The following ENPP6 variants were observed in gnomAD, a reference collection of about 807,000 sequenced individuals.
ENPP6 encodes glycerophosphocholine cholinephosphodiesterase ENPP6.
A neutral mutation model predicts 42.0 loss-of-function variants in ENPP6; 32 were observed. The ratio of observed to expected loss-of-function variants is 0.76; its 90% CI spans 0.58 to 1.02. The LOEUF (loss-of-function observed/expected upper bound fraction) is 1.02. Ranked by LOEUF, ENPP6 falls within the 50% of genes least tolerant of loss-of-function variation. ENPP6 has a pLI of 0.00. For synonymous variants in ENPP6, 213 were observed against 216.0 expected, an observed-to-expected ratio of 0.99 and a Z score of 0.12; for missense variants, 552 against 566.8, an observed-to-expected ratio of 0.97 and a Z score of 0.27.
chr4:184,131,948 T>C (rs1736643910), intron 2 of ENPP6, among the ~76,000 whole-genome samples: 1 of 141,886 alleles, frequency 7.0e-6, no homozygotes, highest in East Asian at 1.9e-4. Flanking sequence ...TGTAATTCAG[T>C]CCTAATTCAG....
At chr4:184,185,434 C>G (rs1210084339) in intron 1 of ENPP6, among the ~76,000 whole-genome samples, 2 of 152,108 alleles carry the variant, frequency 1.3e-5, no homozygotes, top group Non-Finnish European at 2.9e-5. Context: ...GTGGGGACAC[C>G]CCAGCCAGCG....
intron 2 of ENPP6, among the ~76,000 whole-genome samples, chr4:184,133,971 G>C (rs987717695): frequency 6.6e-6 from 1 of 151,128 alleles, no homozygotes; most frequent in African/African-American, 2.4e-5. Context: ...CAATTGGTTG[G>C]CATATATTAT....
chr4:184,118,953 T>A (rs1736369804), intron 3 of ENPP6, among the ~76,000 whole-genome samples: 1 of 152,252 alleles, frequency 6.6e-6, no homozygotes, highest in African/African-American at 2.4e-5. Context: ...TCTGTCCTGA[T>A]TTCTTTGCCA....
chr4:184,091,426 G>C (rs775613193), intron 7 of ENPP6, 44 bp from the exon 8 acceptor site: 36 of 1,533,550 alleles, frequency 2.3e-5, no homozygotes, highest in Non-Finnish European at 3.0e-5. Context: ...GGCAGCTCCA[G>C]GGCAGAGGTG....
chr4:184,148,826 T>C (rs1042661249), intron 2 of ENPP6, among the ~76,000 whole-genome samples: 3 of 152,228 alleles, frequency 2.0e-5, no homozygotes, highest in Non-Finnish European at 2.9e-5. Flanking sequence ...ATCATAGGTA[T>C]GTGTATGTTA....
intron 2 of ENPP6, among the ~76,000 whole-genome samples, chr4:184,135,574 T>C (rs1736718327): frequency 1.3e-5 from 2 of 152,270 alleles, no homozygotes; most frequent in Admixed American, 1.3e-4. Flanking sequence ...TGCATACTTA[T>C]ATTTAATGTA....
chr4:184,217,068 A>G (rs1045555188), intron 1 of ENPP6: 1 of 152,890 alleles, frequency 6.5e-6, no homozygotes, highest in African/African-American at 2.4e-5. Flanking sequence ...ATATGACCTA[A>G]ACATCCCCCC....
At chr4:184,191,174 A>G (rs1732708686) in intron 1 of ENPP6, among the ~76,000 whole-genome samples, 1 of 152,266 alleles carries the variant, frequency 6.6e-6, no homozygotes, top group Admixed American at 6.5e-5. Flanking sequence ...AAGAGGCAGC[A>G]TGATGTTGTG....
intron 2 of ENPP6, among the ~76,000 whole-genome samples, chr4:184,149,649 G>A (rs189462950): frequency 8.8e-4 from 134 of 152,344 alleles, no homozygotes; most frequent in Admixed American, 4.0e-3. Context: ...CTGCTTGGCT[G>A]TAGGGAGATA....
chr4:184,101,795 C>T (rs1288009138), intron 6 of ENPP6, among the ~76,000 whole-genome samples: 3 of 152,204 alleles, frequency 2.0e-5, no homozygotes, highest in Non-Finnish European at 4.4e-5. Context: ...CAGGACCCCT[C>T]CTCTAGACAG....
intron 1 of ENPP6, among the ~76,000 whole-genome samples, chr4:184,208,106 C>T (rs1733031456): frequency 6.6e-6 from 1 of 151,746 alleles, no homozygotes; most frequent in African/African-American, 2.4e-5. Context: ...GATGAGGACA[C>T]ATTTGGGCTC....
At chr4:184,131,015 C>T (rs903811728) in intron 2 of ENPP6, among the ~76,000 whole-genome samples, 2 of 152,164 alleles carry the variant, frequency 1.3e-5, no homozygotes, top group East Asian at 1.9e-4. Flanking sequence ...CATAGGTATG[C>T]ATTTCTGTTA....
At chr4:184,177,999 C>G (rs757624976) in intron 1 of ENPP6, among the ~76,000 whole-genome samples, 3 of 152,060 alleles carry the variant, frequency 2.0e-5, no homozygotes, top group Non-Finnish European at 4.4e-5. Context: ...AGCAAGGGCA[C>G]AGAACTGGGC....
In ENPP6 at chr4:184,116,920, A is replaced by C; in HGVS notation, c.791T>G (p.Leu264Arg). The change falls in exon 5 of 8, where the codon CTG (leucine) becomes CGG (arginine). Residue 264 changes from leucine to arginine, a missense_variant. By Grantham distance (102) the Leu-to-Arg change is moderately radical (BLOSUM62 -2). Transcript: ENST00000296741. The part of the protein sequence containing the change: ...ELNKYISLND[L>R]QQVKDRGPVV... ...AGGCCCGCGGTCCTTCACTTGCTGC[A>C]GGTCATTCAGGCTGATGTACTTATT... is the stretch of plus-strand genomic sequence containing the variant. 1 of 1,614,216 alleles carries C rather than the reference A, an allele frequency of 6.2e-7. No homozygotes were observed. Among genetic ancestry groups the C allele is most frequent in the Non-Finnish European group, 8.5e-7 (1 of 1,180,028 alleles).
intron 1 of ENPP6, 118 bp downstream of exon 1, chr4:184,217,461 T>C (rs1579673343): frequency 2.2e-6 from 3 of 1,364,032 alleles, no homozygotes; most frequent in East Asian, 4.7e-5. Context: ...CTACCTTTGA[T>C]GTCCCAAAGG....
chr4:184,097,579 C>T (rs1456925640), intron 6 of ENPP6, among the ~76,000 whole-genome samples: 1 of 152,182 alleles, frequency 6.6e-6, no homozygotes, highest in Non-Finnish European at 1.5e-5. Context: ...CTGTGGTTAA[C>T]AAGGTGTTTT....
In ENPP6 at chr4:184,117,881, C is replaced by T; in HGVS notation, c.553G>A (p.Ala185Thr). 1 of 1,614,122 alleles carries T rather than the reference C, an allele frequency of 6.2e-7. No individual in the cohort carries two copies. The highest frequency in any genetic ancestry group is 8.5e-7 in the Non-Finnish European group (1 of 1,180,034). The stretch of plus-strand genomic sequence containing the variant: ...TCAATGCGCTCATGGTATATGGCTG[C>T]CAGGTCGGCCCGGCCACTCCTGGAG... ...DSFKSGRADL[A>T]AIYHERIDVE... Residue 185 changes from alanine to threonine, a missense_variant, in exon 4 of 8, where the codon GCA becomes ACA. Physicochemically the swap from Ala to Thr is moderately conservative, Grantham distance 58 (BLOSUM62 0). Around this residue, in one of 2 missense-constraint regions of ENPP6, gnomAD observed 545 missense variants for 546.3 expected, o/e 1.00. Transcript: ENST00000296741.
chr4:184,108,447 A>G (rs575701157), intron 6 of ENPP6, among the ~76,000 whole-genome samples: 4 of 152,330 alleles, frequency 2.6e-5, no homozygotes, highest in African/African-American at 9.6e-5. Context: ...CCTTGGCACA[A>G]CGCAGAAACG....
intron 2 of ENPP6, among the ~76,000 whole-genome samples, chr4:184,131,202 T>TTTTTCTTTCTTTCTTTCC (rs760417509): frequency 4.7e-4 from 3 of 6,430 alleles, no homozygotes; most frequent in South Asian, 5.5e-3. Flanking sequence ...TCTTTCTTTC[T>TTTTTCTTTCTTTCTTTCC]TCTTTCTTTC....
Sources: allele counts gnomAD v4.1 joint callset (sites outside exome capture counted in the v4.1 genomes callset), GRCh38; gene constraint gnomAD v4.1.1; regional missense constraint gnomAD v4.1.1; transcripts MANE v1.5; gene names NCBI Gene and HGNC (gene_info 2026-07-23, HGNC 2026-07-21).